Variants in CABLES1 observed in about 807,000 individuals in gnomAD.
The protein encoded by CABLES1 is CDK5 and ABL1 enzyme substrate 1.
CABLES1 carries 36 observed loss-of-function variants against 57.8 expected under a neutral mutation model. The observed-to-expected ratio is 0.62, with a 90% confidence interval of 0.48 to 0.82. The LOEUF is 0.82. CABLES1 is among the 40% of genes least tolerant of loss of function. The pLI is 0.00. For synonymous variants in CABLES1, 374 were observed against 363.0 expected (o/e 1.03, Z -0.35); for missense variants, 767 against 836.6 (o/e 0.92, Z 1.03).
chr18:23,202,936 G>A (rs929279554), intron 3 of CABLES1, among the ~76,000 whole-genome samples: 1 of 149,378 alleles, frequency 6.7e-6, no homozygotes, highest in African/African-American at 2.5e-5. Flanking sequence ...GCAGTGAGCC[G>A]AGATCGCACC....
intron 1 of CABLES1, among the ~76,000 whole-genome samples, chr18:23,186,253 C>T (rs2047201663): frequency 1.3e-5 from 2 of 152,154 alleles, no homozygotes; most frequent in Non-Finnish European, 2.9e-5. Context: ...GGTGCAGCCT[C>T]AGTGAAGGAA....
chr18:23,145,253 A>G (rs1017047722), intron 1 of CABLES1, among the ~76,000 whole-genome samples: 16 of 151,408 alleles, frequency 1.1e-4, no homozygotes, highest in African/African-American at 3.9e-4. Context: ...TTGTATTTTT[A>G]GTAGAGATGA....
chr18:23,248,027 C>G (rs1003695370), intron 7 of CABLES1, among the ~76,000 whole-genome samples: 1 of 152,230 alleles, frequency 6.6e-6, no homozygotes, highest in Non-Finnish European at 1.5e-5. Context: ...ACCCCAAGAG[C>G]TAGGACAAGG....
At chr18:23,195,019 C>A (rs2047272054) in intron 3 of CABLES1, among the ~76,000 whole-genome samples, 1 of 152,176 alleles carries the variant, frequency 6.6e-6, no homozygotes, top group Admixed American at 6.5e-5. Context: ...CAGATTCTTC[C>A]TCAGTGCTGA....
At chr18:23,188,804 T>C (rs747717302) in intron 1 of CABLES1, 34 bp from the exon 2 acceptor site, 10 of 1,532,682 alleles carry the variant, frequency 6.5e-6, no homozygotes, top group Admixed American at 5.0e-5. Context: ...TGCAATGCAG[T>C]TTTAACTCCC....
intron 4 of CABLES1, among the ~76,000 whole-genome samples, chr18:23,218,620 A>C (rs2047461715): frequency 1.8e-5 from 2 of 111,638 alleles, no homozygotes; most frequent in African/African-American, 3.6e-5. Flanking sequence ...TGGCTCCCGC[A>C]TCCTCACTTG....
intron 7 of CABLES1, among the ~76,000 whole-genome samples, chr18:23,248,814 A>C (rs1242192394): frequency 1.3e-5 from 2 of 152,222 alleles, no homozygotes; most frequent in Non-Finnish European, 2.9e-5. Context: ...AACAAGAGCG[A>C]AACTCCATCT....
chr18:23,243,086 A>G (rs2047776317), intron 7 of CABLES1, among the ~76,000 whole-genome samples: 1 of 151,150 alleles, frequency 6.6e-6, no homozygotes, highest in Admixed American at 6.6e-5. Context: ...TATATAGAAT[A>G]TAGAACTATA....
chr18:23,247,729 G>A (rs575043268), intron 7 of CABLES1, among the ~76,000 whole-genome samples: 18 of 152,348 alleles, frequency 1.2e-4, no homozygotes, highest in Admixed American at 9.1e-4. Context: ...CCACTGAGCC[G>A]CAGCTCAGAG....
At chr18:23,168,847 A>C (rs1221882767) in intron 1 of CABLES1, among the ~76,000 whole-genome samples, 1 of 152,150 alleles carries the variant, frequency 6.6e-6, no homozygotes, top group African/African-American at 2.4e-5. Context: ...CTAATAGGGA[A>C]CCTTGCAGAA....
intron 4 of CABLES1, chr18:23,219,208 T>G: frequency 2.2e-6 from 1 of 454,108 alleles, no homozygotes; most frequent in Non-Finnish European, 4.4e-6. Flanking sequence ...AGAAAATGTC[T>G]CTCTGTGTGT....
chr18:23,184,421 G>A (rs1211765358), intron 1 of CABLES1, among the ~76,000 whole-genome samples: 4 of 151,932 alleles, frequency 2.6e-5, no homozygotes, highest in African/African-American at 7.3e-5. Context: ...GTATTTTCTC[G>A]GCCGGGCATG....
At chr18:23,237,514 G>A (rs2047632850) in intron 7 of CABLES1, among the ~76,000 whole-genome samples, 1 of 152,226 alleles carries the variant, frequency 6.6e-6, no homozygotes, top group African/African-American at 2.4e-5. Flanking sequence ...TCTGAAGGGG[G>A]ATGTCCGAGC....
rs115532854 is a variant in CABLES1, at chr18:23,206,006, A to C, written c.1011-7971A>C. On this transcript the variant is annotated intron_variant, in intron 3 of 9. Coordinates refer to ENST00000256925, the MANE Select transcript of CABLES1 (RefSeq NM_001100619.3). ...CCTCCCCAGTGCCTTCAAATGGAGC[A>C]TGGGCCTGCTGACACCTTGATTTTG... Among the ~76,000 whole-genome samples the C allele has an allele frequency of 8.4e-3, 1,274 of 152,252 alleles. 9 individuals carry two copies. The highest frequency in any genetic ancestry group is 0.024 in the Middle Eastern group (7 of 294).
In CABLES1 at chr18:23,258,665, G is replaced by A. The variant is rs556604463; in HGVS notation, c.*1298G>A. The A allele has an allele frequency of 1.2e-4, 19 of 152,306 alleles. No homozygotes were observed. The highest frequency in any genetic ancestry group is 3.1e-4 in the African/African-American group (13 of 41,560). 9.4% of individuals were successfully genotyped at this position (152,306 alleles called of 1,614,324 possible). A position where few individuals can be genotyped will look rare whatever the true frequency, so the allele number is the denominator to read the frequency against. ...TGTTGCTTTTTGTATACCTGTATGC[G>A]TTTGTGTAGACGTGTGTCTCACCAG... On this transcript the variant is annotated 3_prime_UTR_variant, in exon 10 of 10. Transcript: ENST00000256925.
chr18:23,234,597 T>C lies in CABLES1; in HGVS notation c.1089-11T>C. The C allele has an allele frequency of 1.2e-6, 2 of 1,609,010 alleles. No homozygotes were observed. Among genetic ancestry groups the C allele is most frequent in the African/African-American group, 2.7e-5 (2 of 74,962 alleles). On this transcript the variant is annotated splice_polypyrimidine_tract_variant and intron_variant, in intron 4 of 9. Transcript: ENST00000256925. ...AAAAGCATTTTTTTTTCCTCTGACT[T>C]GTCCTCCCAGGGACTTGAAGTTGGA...
At chr18:23,231,767 C>T (rs2047568608) in intron 4 of CABLES1, among the ~76,000 whole-genome samples, 1 of 150,416 alleles carries the variant, frequency 6.6e-6, no homozygotes, top group African/African-American at 2.4e-5. Flanking sequence ...GAGCACATGA[C>T]TATATTTTTT....
intron 4 of CABLES1, among the ~76,000 whole-genome samples, chr18:23,217,429 C>G (rs2047450353): frequency 6.6e-6 from 1 of 152,098 alleles, no homozygotes; most frequent in Non-Finnish European, 1.5e-5. Context: ...GGTCCTTTGT[C>G]AGACCTAACA....
chr18:23,187,935 A>G (rs1304990273), intron 1 of CABLES1, among the ~76,000 whole-genome samples: 1 of 152,302 alleles, frequency 6.6e-6, no homozygotes, highest in Middle Eastern at 3.4e-3. Flanking sequence ...TTATGACTGC[A>G]TGTTCCTAGG....
Sources: gnomAD v4.1 joint callset for allele counts (sites outside exome capture counted in the v4.1 genomes callset) on GRCh38, gnomAD v4.1.1 for gene constraint, MANE v1.5 for transcripts, NCBI Gene and HGNC (gene_info 2026-07-23, HGNC 2026-07-21) for gene names.